ASCC1: variants seen among roughly 807,000 people sequenced by gnomAD.
ASCC1 encodes the protein ASC-1 complex subunit P50.
In ASCC1, 35 loss-of-function variants were observed where a neutral mutation model predicts 46.6. The observed-to-expected ratio is 0.75, with a 90% confidence interval of 0.57 to 0.99. ASCC1 has a LOEUF of 0.99. ASCC1 is among the 50% of genes least tolerant of loss of function. The pLI is 0.00. For synonymous variants in ASCC1, 143 were observed against 146.6 expected, an observed-to-expected ratio of 0.98 and a Z score of 0.18; for missense variants, 376 against 428.7, an observed-to-expected ratio of 0.88 and a Z score of 1.09.
At chr10:72,188,456 C>A (rs1038739975) in intron 5 of ASCC1, among the ~76,000 whole-genome samples, 80 of 151,906 alleles carry the variant, frequency 5.3e-4, no homozygotes, top group African/African-American at 1.9e-3. Flanking sequence ...ATCCATCTCT[C>A]ACTGTATTCT....
At chr10:72,112,158 G>A (rs961773277) in intron 9 of ASCC1, among the ~76,000 whole-genome samples, 7 of 152,166 alleles carry the variant, frequency 4.6e-5, no homozygotes, top group African/African-American at 1.7e-4. Context: ...TCTGGGTCCA[G>A]ATTTATATTC....
At chr10:72,204,708 G>A (rs547247971) in intron 3 of ASCC1, among the ~76,000 whole-genome samples, 1 of 152,326 alleles carries the variant, frequency 6.6e-6, no homozygotes, top group African/African-American at 2.4e-5. Context: ...CTTCCCTTAA[G>A]ATCTATTATA....
intron 9 of ASCC1, among the ~76,000 whole-genome samples, chr10:72,107,070 CAA>C (rs1842415714): frequency 6.6e-6 from 1 of 151,836 alleles, no homozygotes; most frequent in Non-Finnish European, 1.5e-5. Context: ...AACATCAAAA[CAA>C]ATAATGGTAT....
chr10:72,170,232 G>C (rs895097124), intron 5 of ASCC1, among the ~76,000 whole-genome samples: 3 of 152,044 alleles, frequency 2.0e-5, no homozygotes, highest in Non-Finnish European at 4.4e-5. Flanking sequence ...CTTCTAGACT[G>C]CTTATCGGTT....
At chr10:72,217,131 A>G (rs1386051879), upstream of ASCC1, 2 of 444,552 alleles carry the variant, frequency 4.5e-6, no homozygotes, top group South Asian at 3.1e-5. Flanking sequence ...TTGAGGGTAG[A>G]AAGACTTTTC....
At chr10:72,132,961 T>A (rs745569621) in intron 8 of ASCC1, 96 bp downstream of exon 8, 91 of 1,508,588 alleles carry the variant, frequency 6.0e-5, no homozygotes, top group Non-Finnish European at 8.0e-5. Context: ...AAAGAAGCTA[T>A]ATCAGAGATT....
At chr10:72,187,579 G>A (rs1348897530) in intron 5 of ASCC1, among the ~76,000 whole-genome samples, 2 of 152,060 alleles carry the variant, frequency 1.3e-5, no homozygotes, top group Non-Finnish European at 2.9e-5. Flanking sequence ...AATTAGCCGG[G>A]CACAGTGGCG....
intron 9 of ASCC1, among the ~76,000 whole-genome samples, chr10:72,119,182 AG>A (rs1843876875): frequency 6.6e-6 from 1 of 152,226 alleles, no homozygotes; most frequent in Non-Finnish European, 1.5e-5. Context: ...CCTCACCAAA[AG>A]TTTTTGTAAT....
intron 1 of ASCC1, among the ~76,000 whole-genome samples, chr10:72,213,971 G>T (rs543477383): frequency 1.3e-5 from 2 of 152,140 alleles, no homozygotes; most frequent in African/African-American, 4.8e-5. Flanking sequence ...CCAGGAGGCG[G>T]AAGTTGCAGT....
rs764473097 is a variant in ASCC1, at chr10:72,102,984, C to CA, written c.958-5535dup. On this transcript the variant is annotated intron_variant, in intron 9 of 9. Transcript: ENST00000672957. Reference sequence around the variant, plus strand: ...GGCAAAGCTCTGTCTCAAAACAAAACAAAAAAAAGATCAAAGTGAACTAGA... The same window carrying CA: ...GGCAAAGCTCTGTCTCAAAACAAAACAAAAAAAAAGATCAAAGTGAACTAGA... 3.6e-5 allele frequency: 16 copies of CA among 439,778 alleles called. No homozygotes were observed. The highest frequency in any genetic ancestry group is 8.0e-5 in the South Asian group (5 of 62,414). The allele number at this position is 439,778 out of a possible 1,614,324, so 27.2% of individuals were successfully genotyped here.
intron 4 of ASCC1, 104 bp downstream of exon 4, chr10:72,203,323 A>T: frequency 1.1e-6 from 1 of 894,144 alleles, no homozygotes; most frequent in Non-Finnish European, 1.9e-6. Flanking sequence ...GCCCATAGCT[A>T]GAACCCCACA....
At chr10:72,146,817 G>A (rs890195420) in intron 7 of ASCC1, among the ~76,000 whole-genome samples, 1 of 151,920 alleles carries the variant, frequency 6.6e-6, no homozygotes, top group African/African-American at 2.4e-5. Context: ...TCATTTAAGG[G>A]AATCTTTGAT....
At chr10:72,201,468 C>T (rs1264966934) in intron 4 of ASCC1, among the ~76,000 whole-genome samples, 2 of 152,168 alleles carry the variant, frequency 1.3e-5, no homozygotes, top group East Asian at 1.9e-4. Flanking sequence ...GAGGATCGCT[C>T]AAGCCCAGGA....
intron 7 of ASCC1, among the ~76,000 whole-genome samples, chr10:72,139,040 G>T (rs746219148): frequency 7.2e-5 from 11 of 151,866 alleles, no homozygotes; most frequent in Non-Finnish European, 8.8e-5. Flanking sequence ...TCTATTAAGA[G>T]AGCTTAAGGG....
chr10:72,203,250 C>T (rs1856743651), intron 4 of ASCC1, among the ~76,000 whole-genome samples, 177 bp downstream of exon 4: 1 of 148,838 alleles, frequency 6.7e-6, no homozygotes, highest in South Asian at 2.1e-4. Context: ...CACACCACTG[C>T]ACTCTAGCCT....
At chr10:72,157,460 T>C (rs1159698576) in intron 6 of ASCC1, among the ~76,000 whole-genome samples, 3 of 152,196 alleles carry the variant, frequency 2.0e-5, no homozygotes, top group Non-Finnish European at 4.4e-5. Flanking sequence ...AAAATGTTTT[T>C]AATGGGTTAT....
intron 9 of ASCC1, among the ~76,000 whole-genome samples, chr10:72,121,341 C>CA (rs1844177672): frequency 1.3e-5 from 2 of 151,656 alleles, no homozygotes; most frequent in East Asian, 3.9e-4. Context: ...GACAGGGTCC[C>CA]ACTGTGTTGC....
Position 72,115,603 on chromosome 10 carries a change from G to A in ASCC1, c.957+12479C>T, listed in dbSNP as rs144827598. ...CTGAAGCCAAGAGAAGAAAGCATTT[G>A]AAGGAGAAAAGGGCTTAACACTCTC... On this transcript the variant is annotated intron_variant, in intron 9 of 9. Coordinates refer to ENST00000672957, the MANE Select transcript of ASCC1 (RefSeq NM_001198800.3). Among the ~76,000 whole-genome samples, 1,402 of 152,284 alleles carry A rather than the reference G, an allele frequency of 9.2e-3. 14 individuals are homozygous for A. Among genetic ancestry groups the A allele is most frequent in the African/African-American group, 0.032 (1,336 of 41,552 alleles).
At chr10:72,136,249 T>C (rs1322118964) in intron 7 of ASCC1, among the ~76,000 whole-genome samples, 3 of 152,088 alleles carry the variant, frequency 2.0e-5, no homozygotes, top group South Asian at 2.1e-4. Context: ...AGCTAGAGGA[T>C]TGTAAATGCA....
Sources: allele counts gnomAD v4.1 joint callset (sites outside exome capture counted in the v4.1 genomes callset), GRCh38; gene constraint gnomAD v4.1.1; transcripts MANE v1.5; gene names NCBI Gene and HGNC (gene_info 2026-07-23, HGNC 2026-07-21).